The following SCPEP1 variants were observed in gnomAD, a reference collection of about 807,000 sequenced individuals.
SCPEP1 encodes the protein serine carboxypeptidase 1, also known as retinoid-inducible serine carboxypeptidase.
SCPEP1 carries 51 observed loss-of-function variants against 63.8 expected under a neutral mutation model. The ratio of observed to expected loss-of-function variants is 0.80; its 90% confidence interval spans 0.64 to 1.01. The LOEUF (loss-of-function observed/expected upper bound fraction) is 1.01, where lower values mean the gene tolerates loss of function less well. Ranked by LOEUF, SCPEP1 falls within the 50% of genes least tolerant of loss-of-function variation. SCPEP1 has a pLI of 0.00. For synonymous variants in SCPEP1, 204 were observed against 207.8 expected (o/e 0.98, Z 0.16); for missense variants, 499 against 554.9 (o/e 0.90, Z 1.01).
chr17:57,002,036 G>T lies in SCPEP1; in HGVS notation c.1151G>T (p.Arg384Leu). ...VDTMGQEAWV[R>L]KLKWPELPKF... ...TCACCAGGTCAGGAGGCCTGGGTGC[G>T]GAAACTGAAGTGGCCAGAACTGCCT... The change falls in exon 12 of 13, where the codon CGG becomes CTG. Residue 384 changes from arginine to leucine, a missense_variant. By Grantham distance (102) the Arg-to-Leu change is moderately radical (BLOSUM62 -2). Transcript: ENST00000262288. The T allele has an allele frequency of 6.2e-7, 1 of 1,614,000 alleles. No homozygotes were observed.
chr17:57,000,806 G>C (rs778665209), intron 10 of SCPEP1, 49 bp from the exon 11 acceptor site: 149 of 1,610,986 alleles, frequency 9.2e-5, no homozygotes, highest in Non-Finnish European at 1.2e-4. Flanking sequence ...GGTACCTCCT[G>C]TTTTGGCAGA....
intron 8 of SCPEP1, among the ~76,000 whole-genome samples, chr17:56,996,530 T>G (rs766287135): frequency 1.3e-5 from 2 of 150,004 alleles, no homozygotes; most frequent in Non-Finnish European, 3.0e-5. Context: ...TCTTTTTTAT[T>G]TTTTTTTGAG....
rs995371174 is a variant in SCPEP1 at position 56,995,243 on chromosome 17, A to G, written c.657+225A>G. 4 of 568,444 alleles carry G rather than the reference A, an allele frequency of 7.0e-6. No homozygotes were observed. In the Admixed American group the frequency reaches 9.9e-5, roughly 14 times the overall value. 35.2% of individuals were successfully genotyped at this position (568,444 alleles called of 1,614,324 possible). A position where few individuals can be genotyped will look rare whatever the true frequency, so the allele number is the denominator to read the frequency against. On this transcript the variant is annotated intron_variant, in intron 7 of 12. Transcript: ENST00000262288. ...ACTTTTTTCCAGATATAAGAAACACATTTTTCCAATGCCCTAAATTTTTAT... is the reference window on the plus strand; with the variant it reads ...ACTTTTTTCCAGATATAAGAAACACGTTTTTCCAATGCCCTAAATTTTTAT...
At chr17:56,978,756 T>G (rs1418958779) in intron 1 of SCPEP1, among the ~76,000 whole-genome samples, 2 of 152,190 alleles carry the variant, frequency 1.3e-5, no homozygotes, top group African/African-American at 4.8e-5. Context: ...GACTTGCAAA[T>G]TGATTTTCAG....
At chr17:56,983,820 C>CT (rs1462444751) in intron 2 of SCPEP1, 1 of 150,346 alleles carries the variant, frequency 6.7e-6, no homozygotes, top group East Asian at 1.9e-4. Flanking sequence ...AGCCCTGACT[C>CT]TATCTTGTCT....
chr17:56,986,134 G>A (rs992612855), intron 3 of SCPEP1, among the ~76,000 whole-genome samples: 1 of 151,882 alleles, frequency 6.6e-6, no homozygotes, highest in Non-Finnish European at 1.5e-5. Context: ...CACTCTCCCG[G>A]CTGCACCTAT....
At chr17:56,995,869 A>T in intron 8 of SCPEP1, 30 of 197,318 alleles carry the variant, frequency 1.5e-4, no homozygotes, top group Non-Finnish European at 2.1e-4. Flanking sequence ...AAATGTATGG[A>T]TTCTATTAAA....
chr17:56,988,940 A>C (rs1248784818), intron 5 of SCPEP1, among the ~76,000 whole-genome samples: 1 of 152,096 alleles, frequency 6.6e-6, no homozygotes, highest in East Asian at 1.9e-4. Flanking sequence ...TAATCCCAGC[A>C]CTTTGGGAAG....
In SCPEP1 at chr17:57,002,022, G is replaced by C. The variant is rs1473990405; in HGVS notation, c.1137G>C (p.Gln379His). 1 of 1,613,656 alleles carries C rather than the reference G, an allele frequency of 6.2e-7. No homozygotes were observed. Among genetic ancestry groups the C allele is most frequent in the African/African-American group, 1.3e-5 (1 of 74,910 alleles). ...TCTCTTTGTCCTTCTCACCAGGTCA[G>C]GAGGCCTGGGTGCGGAAACTGAAGT... ...QLDLIVDTMG[Q>H]EAWVRKLKWP... The change falls in exon 12 of 13, where the codon CAG becomes CAC. Residue 379 changes from glutamine to histidine, a missense_variant. Gln to His is a conservative substitution (Grantham distance 24). Transcript: ENST00000262288.
chr17:56,982,283 C>T (rs1268639407), intron 2 of SCPEP1, among the ~76,000 whole-genome samples: 1 of 152,174 alleles, frequency 6.6e-6, no homozygotes, highest in African/African-American at 2.4e-5. Context: ...TAGGATGCTA[C>T]TGGGACGTCT....
At chr17:56,982,608 G>T (rs1043280705) in intron 2 of SCPEP1, 1 of 152,226 alleles carries the variant, frequency 6.6e-6, no homozygotes, top group African/African-American at 2.4e-5. Flanking sequence ...CAGGCCTGCC[G>T]TCAGGGGCCT....
intron 5 of SCPEP1, among the ~76,000 whole-genome samples, chr17:56,990,099 A>G (rs1911347921): frequency 1.3e-5 from 2 of 152,168 alleles, no homozygotes; most frequent in South Asian, 4.1e-4. Context: ...TGAGTGTGGA[A>G]AGTTCTCCTT....
chr17:56,990,593 C>T (rs1193423882), intron 5 of SCPEP1, among the ~76,000 whole-genome samples: 1 of 152,142 alleles, frequency 6.6e-6, no homozygotes, highest in Non-Finnish European at 1.5e-5. Context: ...CAGTAGTTCT[C>T]AACTTTCTAT....
chr17:56,989,392 C>T lies in SCPEP1; in HGVS notation c.546+1102C>T, dbSNP rs185911635. ...AAGAAGTCAGGGAAATAAGTGCTGT[C>T]GTGCACTTTTGATGGGAATACAAAT... On this transcript the variant is annotated intron_variant, in intron 5 of 12. Coordinates refer to ENST00000262288, the MANE Select transcript of SCPEP1 (RefSeq NM_021626.3). 4.2e-4 allele frequency among the ~76,000 whole-genome samples: 64 copies of T among 152,190 alleles called. 3 individuals carry two copies. Among genetic ancestry groups the T allele is most frequent in the Admixed American group, 3.7e-3 (56 of 15,286 alleles).
chr17:56,981,136 C>T lies in SCPEP1; in HGVS notation c.131C>T (p.Thr44Met), dbSNP rs755058937. ...EEGKEVWDYV[T>M]VRKDAYMFWW... is the part of the protein sequence containing the mutation. ...GGCAAGGAAGTATGGGATTATGTGA[C>T]GGTCCGCAAGGATGCCTACATGTTC... is the stretch of plus-strand genomic sequence containing the variant. Residue 44 changes from threonine (T) to methionine (M), a missense_variant, in exon 2 of 13, where the codon ACG becomes ATG. Thr to Met is a moderately conservative substitution (Grantham distance 81, BLOSUM62 -1). Transcript: ENST00000262288. 47 of 1,614,028 alleles carry T rather than the reference C, an allele frequency of 2.9e-5. No individual in the cohort carries two copies. In the East Asian group the frequency reaches 5.8e-4, roughly 20 times the overall value.
intron 1 of SCPEP1, 73 bp from the exon 2 acceptor site, chr17:56,981,009 G>A (rs1911052070): frequency 6.5e-7 from 1 of 1,536,564 alleles, no homozygotes. Flanking sequence ...TAGCATGGCT[G>A]TCTCTACCAG....
At position 57,000,949 on chromosome 17, in the gene SCPEP1, G is replaced by A; in HGVS notation, c.1089G>A (p.Val363=). Residue 363 remains valine (V), a synonymous_variant, in exon 11 of 13, where the codon GTG becomes GTA. Transcript: ENST00000262288. ...VDELLEAGIN[V]TVYNGQLDLI... ...AGTTGCTGGAGGCAGGGATCAACGT[G>A]ACGGTGTATAATGGACAGCTGGATC... 2 of 1,614,170 alleles carry A rather than the reference G, an allele frequency of 1.2e-6. No homozygotes were observed. Among genetic ancestry groups the A allele is most frequent in the Non-Finnish European group, 1.7e-6 (2 of 1,180,032 alleles).
At chr17:56,991,873 A>G (rs2144490829) in intron 6 of SCPEP1, among the ~76,000 whole-genome samples, 1 of 152,300 alleles carries the variant, frequency 6.6e-6, no homozygotes, top group Non-Finnish European at 1.5e-5. Flanking sequence ...TACTCAGGAG[A>G]TGCTAGTAGC....
intron 1 of SCPEP1, among the ~76,000 whole-genome samples, chr17:56,979,994 C>A (rs1386948750): frequency 6.6e-6 from 1 of 152,018 alleles, no homozygotes; most frequent in East Asian, 1.9e-4. Flanking sequence ...GTTGAGAGGA[C>A]CTAAATTTCT....
Sources: gnomAD v4.1 joint callset for allele counts (sites outside exome capture counted in the v4.1 genomes callset) on GRCh38, gnomAD v4.1.1 for gene constraint, MANE v1.5 for transcripts, NCBI Gene and HGNC (gene_info 2026-07-23, HGNC 2026-07-21) for gene names.